Variants in A1BG observed in about 807,000 individuals in gnomAD.
The protein encoded by A1BG is alpha-1-B glycoprotein, also known as alpha-1B-glycoprotein.
A neutral mutation model predicts 46.0 loss-of-function variants in A1BG; 44 were observed. That is an observed-to-expected ratio of 0.96 (90% CI 0.75 to 1.23). The LOEUF (loss-of-function observed/expected upper bound fraction) is 1.23. Among genes scored for constraint, A1BG ranks in the 50% most tolerant of loss-of-function variants. The pLI is 0.00. For missense variants in A1BG, 707 were observed against 688.8 expected (o/e 1.03, Z -0.30); for synonymous variants, 316 against 314.7 (o/e 1.00, Z -0.04).
rs80353491 is a variant in A1BG, at chr19:58,351,570, C to T, written c.731G>A (p.Arg244Gln). Residue 244 changes from arginine to glutamine, a missense_variant, in exon 5 of 8, where the codon CGG becomes CAG. Transcript: ENST00000263100. ...APLSGVDFQLRRGEKELLVPR... is the reference protein window; with the variant it reads ...APLSGVDFQLQRGEKELLVPR... ...TACCAGCAGCTCTTTCTCCCCGCGC[C>T]GTAGCTGGAAGTCCACTCCACTCAG... The T allele has an allele frequency of 4.3e-6, 7 of 1,613,898 alleles. No homozygotes were observed. Among genetic ancestry groups the T allele is most frequent in the East Asian group, 2.2e-5 (1 of 44,878 alleles).
chr19:58,347,088 C>G (rs2094549117), intron 7 of A1BG, 59 bp from the exon 8 acceptor site: 1 of 1,603,044 alleles, frequency 6.2e-7, no homozygotes, highest in Non-Finnish European at 8.5e-7. Context: ...CCCTCCTCCT[C>G]GCGGAAATCA....
At chr19:58,350,116 G>C (rs1056274862) in intron 6 of A1BG, 3 of 485,192 alleles carry the variant, frequency 6.2e-6, no homozygotes, top group African/African-American at 6.1e-5. Flanking sequence ...AAGAAAACCT[G>C]GGGCCAGCCT....
At chr19:58,347,746 C>T in intron 6 of A1BG, 106 bp from the exon 7 acceptor site, 1 of 658,780 alleles carries the variant, frequency 1.5e-6, no homozygotes, top group Non-Finnish European at 2.1e-6. Flanking sequence ...GCCTCAGCCC[C>T]GGCTTCATCT....
Position 58,350,530 on chromosome 19 carries a change from G to A in A1BG, c.1032C>T (p.Arg344=), listed in dbSNP as rs1366393317. 1 of 1,550,348 alleles carries A rather than the reference G, an allele frequency of 6.5e-7. No individual in the cohort carries two copies. The highest frequency in any genetic ancestry group is 8.7e-7 in the Non-Finnish European group (1 of 1,147,282). The change falls in exon 6 of 8, where the codon CGC becomes CGT. Residue 344 remains arginine (R), a synonymous_variant. Transcript: ENST00000263100. ...CGGGGCTCTGGAAACGGTGCACGCG[G>A]CGCCCGCCCCTGTCCTCGCGCACCA... ...FALVREDRGG[R]RVHRFQSPAG...
intron 5 of A1BG, chr19:58,350,992 C>A (rs1194416749): frequency 3.1e-5 from 13 of 419,786 alleles, no homozygotes; most frequent in Admixed American, 1.2e-4. Context: ...CCAATGCCCG[C>A]CCCACGGAGG....
Position 58,352,809 on chromosome 19 carries a change from G to T in A1BG, c.340+119C>A, listed in dbSNP as rs2051974641. On this transcript the variant is annotated intron_variant, in intron 3 of 7. Coordinates refer to ENST00000263100, the MANE Select transcript of A1BG (RefSeq NM_130786.4). ...TACAACACAGACATCATCCCCATTT[G>T]ACAGATGGGAAGATTGGGGCTTGGG... 7 of 1,416,540 alleles carry T rather than the reference G, an allele frequency of 4.9e-6. No individual in the cohort carries two copies. In the South Asian group the frequency reaches 9.5e-5, roughly 19 times the overall value. 87.7% of individuals were successfully genotyped at this position (1,416,540 alleles called of 1,614,324 possible). A position where few individuals can be genotyped will look rare whatever the true frequency, so the allele number is the denominator to read the frequency against.
In A1BG at chr19:58,353,018, T is replaced by C. The variant is rs754825718; in HGVS notation, c.250A>G (p.Thr84Ala). ...CGGTAGCGGCCCTGGGTGTCACCCGTCAGCAGGAACTGGTGCTTGATGGCA... is the reference window on the plus strand; with the variant it reads ...CGGTAGCGGCCCTGGGTGTCACCCGCCAGCAGGAACTGGTGCTTGATGGCA... The part of the protein sequence containing the change: ...SPAIKHQFLL[T>A]GDTQGRYRCR... The change falls in exon 3 of 8, where the codon ACG (threonine) becomes GCG (alanine). Residue 84 changes from threonine to alanine, a missense_variant. By Grantham distance (58) the Thr-to-Ala change is moderately conservative. Transcript: ENST00000263100. 5.0e-6 allele frequency: 8 copies of C among 1,614,052 alleles called. No individual in the cohort carries two copies. The Admixed American group carries it at 6.7e-5, about 13-fold the overall frequency.
At position 58,347,374 on chromosome 19, in the gene A1BG, G is replaced by C. The variant is rs769339400; in HGVS notation, c.1459C>G (p.Pro487Ala). The C allele has an allele frequency of 1.1e-5, 18 of 1,611,968 alleles. No individual in the cohort carries two copies. Among genetic ancestry groups the C allele is most frequent in the Non-Finnish European group, 1.4e-5 (16 of 1,179,826 alleles). Reference sequence around the variant, plus strand: ...TCACCTGCCACCAGGAGCTCCACAGGGTCGCTGAGCTCCGATTCGAAGGTG... The same window carrying C: ...TCACCTGCCACCAGGAGCTCCACAGCGTCGCTGAGCTCCGATTCGAAGGTG... ...PHTFESELSDPVELLVAES is the reference protein window; with the variant it reads ...PHTFESELSDAVELLVAES Residue 487 changes from proline to alanine, a missense_variant, in exon 7 of 8, where the codon CCT (proline) becomes GCT (alanine). Coordinates refer to ENST00000263100, the MANE Select transcript of A1BG (RefSeq NM_130786.4).
rs2051923032 is a variant in A1BG at position 58,347,558 on chromosome 19, T to A, written c.1275A>T (p.Gly425=). 6.4e-7 allele frequency: 1 copy of A among 1,558,856 alleles called. No individual in the cohort carries two copies. Among genetic ancestry groups the A allele is most frequent in the South Asian group, 1.2e-5 (1 of 85,220 alleles). Residue 425 remains glycine (G), a synonymous_variant, in exon 7 of 8, where the codon GGA becomes GGT. Coordinates refer to ENST00000263100, the MANE Select transcript of A1BG (RefSeq NM_130786.4). ...AGRDAVLRCE[G]PIPDVTFELL... ...GCTCGAAGGTGACGTCGGGGATGGG[T>A]CCCTCGCAGCGCAGGACGGCATCTC... is the stretch of plus-strand genomic sequence containing the variant.
At chr19:58,348,454 A>G (rs1036504368) in intron 6 of A1BG, 1 of 152,276 alleles carries the variant, frequency 6.6e-6, no homozygotes, top group Non-Finnish European at 1.5e-5. Flanking sequence ...AATGAAGTAC[A>G]TGTAAGTGCT....
rs943758483 is a variant in A1BG, at chr19:58,347,622, T to A, written c.1211A>T (p.Gln404Leu). The change falls in exon 7 of 8, where the codon CAG becomes CTG. Residue 404 changes from glutamine (Q) to leucine (L), a missense_variant. By Grantham distance (113) the Gln-to-Leu change is moderately radical (BLOSUM62 -2). Transcript: ENST00000263100. The part of the protein sequence containing the change: ...LHVDGPPPRP[Q>L]LRATWSGAVL... ...CGCCCCACTCCACGTCGCCCGGAGC[T>A]GAGGCCTGGGAGGGGGTCCTGGGCG... 1 of 1,463,208 alleles carries A rather than the reference T, an allele frequency of 6.8e-7. No homozygotes were observed. The highest frequency in any genetic ancestry group is 2.4e-5 in the Admixed American group (1 of 41,246). The allele number at this position is 1,463,208 out of a possible 1,614,324, so 90.6% of individuals were successfully genotyped here. A position where few individuals can be genotyped will look rare whatever the true frequency, so the allele number is the denominator to read the frequency against.
rs1281803006 is a variant in A1BG at position 58,345,951 on chromosome 19, G to C, written c.*1071C>G. ...TCCAGGCAGAAACTCGGCAGTGGTT[G>C]GGAAGGCATCAGATGTCAGATGGCA... On this transcript the variant is annotated 3_prime_UTR_variant, in exon 8 of 8. Transcript: ENST00000263100. 1.3e-5 allele frequency: 2 copies of C among 152,312 alleles called. No individual in the cohort carries two copies. Among genetic ancestry groups the C allele is most frequent in the African/African-American group, 4.8e-5 (2 of 41,464 alleles). The allele number at this position is 152,312 out of a possible 1,614,324, so 9.4% of individuals were successfully genotyped here. A position where few individuals can be genotyped will look rare whatever the true frequency, so the allele number is the denominator to read the frequency against.
At chr19:58,347,689 C>CCCCAGGCCACGCCCAGGCCACG in intron 6 of A1BG, 49 bp from the exon 7 acceptor site, 1 of 430,828 alleles carries the variant, frequency 2.3e-6, no homozygotes. Flanking sequence ...CCAGGCCACG[C>CCCCAGGCCACGCCCAGGCCACG]CCCAGGCCAC....
Position 58,352,342 on chromosome 19 carries a change from CG to C in A1BG, c.553del (p.Arg185GlyfsTer15), listed in dbSNP as rs745983983. 1.2e-6 allele frequency: 2 copies of C among 1,614,016 alleles called. No individual in the cohort carries two copies. Among genetic ancestry groups the C allele is most frequent in the East Asian group, 4.5e-5 (2 of 44,862 alleles). On this transcript the variant is annotated frameshift_variant, in exon 4 of 8. Transcript: ENST00000263100. LOFTEE classifies it high-confidence loss of function. The part of the protein sequence containing the change: ...HQPGNYSCSY[R>X]TDGEGALSEP... The stretch of plus-strand genomic sequence containing the variant: ...AGAGAGGGCGCCTTCCCCATCGGTC[CG>C]GTAGCTGCAGCTGTAGTTGCCAGGC...
chr19:58,348,213 G>A (rs1019474382), intron 6 of A1BG, among the ~76,000 whole-genome samples: 2 of 152,114 alleles, frequency 1.3e-5, no homozygotes, highest in Admixed American at 1.3e-4. Context: ...TTAGCCGGGC[G>A]TGGCAGCGTG....
intron 7 of A1BG, 89 bp from the exon 8 acceptor site, chr19:58,347,118 C>T (rs1022431309): frequency 2.0e-6 from 3 of 1,530,174 alleles, no homozygotes; most frequent in Non-Finnish European, 2.7e-6. Context: ...TCCCTGACGC[C>T]CCCCCGGAAG....
rs1390951981 is a variant in A1BG, at chr19:58,347,636, G to C, written c.1197C>G (p.Pro399=). ...TCGCCCGGAGCTGAGGCCTGGGAGG[G>C]GGTCCTGGGCGGAGCGGGCGGGTGG... ...SERLELHVDG[P]PPRPQLRATW... Residue 399 remains proline, a synonymous_variant, in exon 7 of 8, where the codon CCC becomes CCG. Transcript: ENST00000263100. 1.4e-6 allele frequency: 2 copies of C among 1,439,218 alleles called. No individual in the cohort carries two copies. Among genetic ancestry groups the C allele is most frequent in the African/African-American group, 1.5e-5 (1 of 66,582 alleles). 89.2% of individuals were successfully genotyped at this position (1,439,218 alleles called of 1,614,324 possible).
chr19:58,346,727 AAAAAG>A lies in A1BG; in HGVS notation c.*290_*294del, dbSNP rs2051915787. ...GTGTGAGACCCTGTCTCAAAAAAGAAAAAAGAAAAGAAAACTGTGCTCTTAAGAGC... is the reference window on the plus strand; with the variant it reads ...GTGTGAGACCCTGTCTCAAAAAAGAAAAAAGAAAACTGTGCTCTTAAGAGC... On this transcript the variant is annotated 3_prime_UTR_variant, in exon 8 of 8. Coordinates refer to ENST00000263100, the MANE Select transcript of A1BG (RefSeq NM_130786.4). 2.0e-6 allele frequency: 1 copy of A among 510,216 alleles called. No individual in the cohort carries two copies. Among genetic ancestry groups the A allele is most frequent in the Non-Finnish European group, 3.5e-6 (1 of 283,470 alleles). The allele number at this position is 510,216 out of a possible 1,614,324, so 31.6% of individuals were successfully genotyped here.
chr19:58,350,617 C>T lies in A1BG; in HGVS notation c.945G>A (p.Pro315=), dbSNP rs943084506. 2 of 1,446,254 alleles carry T rather than the reference C, an allele frequency of 1.4e-6. No individual in the cohort carries two copies. The highest frequency in any genetic ancestry group is 9.1e-7 in the Non-Finnish European group (1 of 1,102,376). 89.6% of individuals were successfully genotyped at this position (1,446,254 alleles called of 1,614,324 possible). ...GCAGCCGCAAGGCCCTGCCGGACTC[C>T]GGCTCCGGGGAGAACTCCGGCGCGG... ...TLPAPEFSPE[P]ESGRALRLRC... Residue 315 remains proline, a synonymous_variant, in exon 6 of 8, where the codon CCG becomes CCA. Transcript: ENST00000263100.
Sources: allele counts gnomAD v4.1 joint callset (sites outside exome capture counted in the v4.1 genomes callset), GRCh38; gene constraint gnomAD v4.1.1; transcripts MANE v1.5; gene names NCBI Gene and HGNC (gene_info 2026-07-23, HGNC 2026-07-21).